Variants in SKIC3 observed in about 807,000 individuals in gnomAD.
The protein encoded by SKIC3 is superkiller complex protein 3.
chr5:95,501,039 T>C, the SKIC3 span, among the ~76,000 whole-genome samples: 10 of 152,208 alleles, frequency 6.6e-5, no homozygotes, highest in Admixed American at 5.9e-4. Context: ...TACATATGTG[T>C]CCAAATATGG....
At chr5:95,539,605 G>A in the SKIC3 span, among the ~76,000 whole-genome samples, 2 of 152,028 alleles carry the variant, frequency 1.3e-5, no homozygotes, top group African/African-American at 2.4e-5. Context: ...ACACTTTGGG[G>A]GGCTGAAGTG....
the SKIC3 span, among the ~76,000 whole-genome samples, chr5:95,546,102 C>T: frequency 6.6e-6 from 1 of 152,062 alleles, no homozygotes; most frequent in Non-Finnish European, 1.5e-5. Flanking sequence ...CAGGGCTCAC[C>T]ACTGTCATCA....
chr5:95,510,870 T>C, the SKIC3 span, among the ~76,000 whole-genome samples: 8 of 152,132 alleles, frequency 5.3e-5, no homozygotes, highest in Non-Finnish European at 8.8e-5. Context: ...AGTGAACCCA[T>C]TGGGTGATTA....
chr5:95,472,195 A>G, the SKIC3 span, among the ~76,000 whole-genome samples: 1 of 152,320 alleles, frequency 6.6e-6, no homozygotes, highest in East Asian at 1.9e-4. Context: ...CACCACTGGC[A>G]TTGCTCATTT....
chr5:95,492,557 A>ATAGCT, the SKIC3 span, among the ~76,000 whole-genome samples: 2 of 130,004 alleles, frequency 1.5e-5, no homozygotes, highest in African/African-American at 5.7e-5. Context: ...GAATGGCGTG[A>ATAGCT]ACCCGGGAGG....
At chr5:95,466,413 A>G in the SKIC3 span, among the ~76,000 whole-genome samples, 2 of 152,160 alleles carry the variant, frequency 1.3e-5, no homozygotes, top group Non-Finnish European at 2.9e-5. Flanking sequence ...TACAACTAAC[A>G]CCTAGCAGAC....
At chr5:95,490,623 G>GAGT in the SKIC3 span, among the ~76,000 whole-genome samples, 2 of 151,360 alleles carry the variant, frequency 1.3e-5, no homozygotes, top group African/African-American at 4.9e-5. Flanking sequence ...TCAGCCTCCA[G>GAGT]AGTAGCTAGG....
At chr5:95,509,836 ATAAT>A in the SKIC3 span, 1 of 636,842 alleles carries the variant, frequency 1.6e-6, no homozygotes, top group Admixed American at 2.5e-5. Flanking sequence ...TATCTTGAAT[ATAAT>A]GTCAGTAAAA....
At chr5:95,467,828 C>G in the SKIC3 span, 1 of 1,611,594 alleles carries the variant, frequency 6.2e-7, no homozygotes, top group Non-Finnish European at 8.5e-7. Flanking sequence ...TAAATAAAAT[C>G]AATGCCTCAA....
chr5:95,489,199 G>C, the SKIC3 span, among the ~76,000 whole-genome samples: 1 of 152,126 alleles, frequency 6.6e-6, no homozygotes, highest in Admixed American at 6.5e-5. Flanking sequence ...TATGACTTGG[G>C]AGGCGGAGGC....
chr5:95,520,711 C>A, the SKIC3 span: 2 of 1,601,140 alleles, frequency 1.2e-6, no homozygotes, highest in Non-Finnish European at 1.7e-6. Context: ...AAGAATAATA[C>A]GAACCAAGTA....
chr5:95,520,687 A>G, the SKIC3 span: 1 of 1,547,048 alleles, frequency 6.5e-7, no homozygotes, highest in Non-Finnish European at 8.8e-7. Flanking sequence ...TTACAAAAAT[A>G]AACAATAAAT....
chr5:95,544,566 C>T, the SKIC3 span, among the ~76,000 whole-genome samples: 1 of 152,114 alleles, frequency 6.6e-6, no homozygotes, highest in African/African-American at 2.4e-5. Flanking sequence ...TTGACTTCAA[C>T]ATAATAATGC....
the SKIC3 span, among the ~76,000 whole-genome samples, chr5:95,515,503 T>C: frequency 1.3e-5 from 2 of 152,150 alleles, no homozygotes; most frequent in Admixed American, 1.3e-4. Flanking sequence ...CAACAATCTA[T>C]GTATGGCAGG....
chr5:95,467,828 C>T, the SKIC3 span: 1 of 1,611,594 alleles, frequency 6.2e-7, no homozygotes. Flanking sequence ...TAAATAAAAT[C>T]AATGCCTCAA....
chr5:95,517,158 T>C, the SKIC3 span: 2 of 1,613,378 alleles, frequency 1.2e-6, no homozygotes, highest in African/African-American at 2.7e-5. Context: ...TCCTCCAAGG[T>C]GGAGGAGCTC....
chr5:95,528,153 C>G, the SKIC3 span: 1 of 1,613,516 alleles, frequency 6.2e-7, no homozygotes, highest in East Asian at 2.2e-5. Context: ...ATCTTCAGAG[C>G]TGACAAAATT....
the SKIC3 span, among the ~76,000 whole-genome samples, chr5:95,492,652 GAAAAAAAAAAAAAAAAAAAAAA>G: frequency 6.3e-4 from 31 of 48,848 alleles, no homozygotes; most frequent in South Asian, 2.5e-3. Context: ...AAAAAAAAAA[GAAAAAAAAAAAAAAAAAAAAAA>G]AAAAAAAAAA....
chr5:95,465,513 G>A, the SKIC3 span, among the ~76,000 whole-genome samples: 1 of 152,146 alleles, frequency 6.6e-6, no homozygotes, highest in South Asian at 2.1e-4. Flanking sequence ...GTCAAGCACT[G>A]TGAAGGGTCT....
Sources: gnomAD v4.1 joint callset for allele counts (sites outside exome capture counted in the v4.1 genomes callset) on GRCh38, gnomAD v4.1.1 for gene constraint, MANE v1.5 for transcripts, NCBI Gene and HGNC (gene_info 2026-07-23, HGNC 2026-07-21) for gene names.